The following PKIA variants were observed in gnomAD, a reference collection of about 807,000 sequenced individuals.
PKIA encodes PKI-alpha.
A neutral mutation model predicts 7.6 loss-of-function variants in PKIA; 4 were observed. The observed-to-expected ratio is 0.52, with a 90% CI of 0.26 to 1.20. The LOEUF (loss-of-function observed/expected upper bound fraction) is 1.20. Among genes scored for constraint, PKIA ranks in the 50% most tolerant of loss-of-function variants. PKIA has a pLI of 0.13. For synonymous variants in PKIA, 21 were observed against 30.7 expected, an observed-to-expected ratio of 0.68 and a Z score of 1.04; for missense variants, 73 against 86.2, an observed-to-expected ratio of 0.85 and a Z score of 0.61.
intron 1 of PKIA, among the ~76,000 whole-genome samples, chr8:78,523,533 A>T (rs562393283): frequency 6.6e-6 from 1 of 152,046 alleles, no homozygotes; most frequent in Admixed American, 6.6e-5. Context: ...CCTCACTTAT[A>T]TACTGCAGAA....
chr8:78,601,446 C>T (rs933253229), intron 3 of PKIA, among the ~76,000 whole-genome samples: 6 of 152,000 alleles, frequency 3.9e-5, no homozygotes, highest in Admixed American at 1.3e-4. Flanking sequence ...CATGACCTGG[C>T]CTTGAGATTT....
intron 1 of PKIA, among the ~76,000 whole-genome samples, chr8:78,552,513 G>A (rs1807009798): frequency 6.6e-6 from 1 of 151,646 alleles, no homozygotes; most frequent in Admixed American, 6.6e-5. Context: ...TTCTTAAAGG[G>A]GCCTTATCCA....
Position 78,553,553 on chromosome 8 carries a change from A to T in PKIA, c.-156-19258A>T, listed in dbSNP as rs138358373. ...AATACTAGAAGTAGTAGGCCTATTT[A>T]CCAACACTGTTAGAATATTAGGCAG... On this transcript the variant is annotated intron_variant, in intron 1 of 3. Transcript: ENST00000396418. Among the ~76,000 whole-genome samples, 653 of 152,056 alleles carry T rather than the reference A, an allele frequency of 4.3e-3. 2 individuals carry two copies. The highest frequency in any genetic ancestry group is 0.015 in the African/African-American group (628 of 41,508).
rs183927635 is a variant in PKIA at position 78,542,557 on chromosome 8, T to C, written c.-157+26089T>C. Among the ~76,000 whole-genome samples the C allele has an allele frequency of 3.4e-4, 52 of 152,314 alleles. 1 individual carries two copies. The East Asian group carries it at 6.4e-3, about 19-fold the overall frequency. On this transcript the variant is annotated intron_variant, in intron 1 of 3. Coordinates refer to ENST00000396418, the MANE Select transcript of PKIA (RefSeq NM_006823.4). ...CTATCTGTTCTGCAAATTAATATAT[T>C]GTTAATACTAAAATTTGTAGTCCCA...
intron 2 of PKIA, among the ~76,000 whole-genome samples, chr8:78,593,165 C>G (rs1012439039): frequency 6.6e-5 from 10 of 152,170 alleles, no homozygotes; most frequent in African/African-American, 2.4e-4. Context: ...CTCTGTCACC[C>G]AGGCTGAAAT....
At chr8:78,523,714 A>G (rs1809460090) in intron 1 of PKIA, among the ~76,000 whole-genome samples, 1 of 151,612 alleles carries the variant, frequency 6.6e-6, no homozygotes, top group South Asian at 2.1e-4. Flanking sequence ...GGACTTGCAG[A>G]AATAACATTG....
At chr8:78,550,207 G>C (rs1365604472) in intron 1 of PKIA, among the ~76,000 whole-genome samples, 1 of 152,082 alleles carries the variant, frequency 6.6e-6, no homozygotes, top group East Asian at 1.9e-4. Context: ...AGGATATTAG[G>C]GTAGAGTTTG....
intron 2 of PKIA, among the ~76,000 whole-genome samples, chr8:78,588,349 G>T (rs183343986): frequency 0.013 from 2,001 of 152,118 alleles, 42 homozygotes; most frequent in African/African-American, 0.047. Context: ...GCATGGTGGC[G>T]CATGCCTGTA....
intron 2 of PKIA, among the ~76,000 whole-genome samples, chr8:78,575,360 G>A (rs1482991809): frequency 6.6e-6 from 1 of 151,502 alleles, no homozygotes. Flanking sequence ...GGGTTGTTTT[G>A]TGGCTTATAA....
chr8:78,545,206 G>A (rs1806791672), intron 1 of PKIA, among the ~76,000 whole-genome samples: 5 of 152,206 alleles, frequency 3.3e-5, no homozygotes, highest in Admixed American at 2.6e-4. Context: ...TAATGCTTTT[G>A]TTTTTCCAAC....
intron 1 of PKIA, among the ~76,000 whole-genome samples, chr8:78,554,267 T>G (rs1437070068): frequency 6.6e-6 from 1 of 152,034 alleles, no homozygotes; most frequent in East Asian, 1.9e-4. Context: ...GTTTTCACTA[T>G]GCAACCTAGC....
At chr8:78,529,890 G>GTTTTT (rs10677786) in intron 1 of PKIA, among the ~76,000 whole-genome samples, 4 of 151,332 alleles carry the variant, frequency 2.6e-5, no homozygotes, top group African/African-American at 7.3e-5. Context: ...GTGAGATCAC[G>GTTTTT]TTATTTCCAA....
chr8:78,524,383 G>C (rs71514857), intron 1 of PKIA, among the ~76,000 whole-genome samples: 24,888 of 151,050 alleles, frequency 0.16, 2,823 homozygotes, highest in African/African-American at 0.33. Context: ...ACAAGTCACT[G>C]TCATCCAAGT....
chr8:78,587,764 A>C (rs1031194383), intron 2 of PKIA, among the ~76,000 whole-genome samples: 45 of 152,196 alleles, frequency 3.0e-4, no homozygotes, highest in Non-Finnish European at 5.7e-4. Flanking sequence ...TTTTGTTATA[A>C]TTGTGAATAT....
chr8:78,552,072 T>C (rs1806997583), intron 1 of PKIA, among the ~76,000 whole-genome samples: 1 of 151,828 alleles, frequency 6.6e-6, no homozygotes, highest in Non-Finnish European at 1.5e-5. Flanking sequence ...TGAAGGGAGA[T>C]GTCTGGAACA....
At chr8:78,543,059 GA>G (rs1806735922) in intron 1 of PKIA, among the ~76,000 whole-genome samples, 1 of 152,158 alleles carries the variant, frequency 6.6e-6, no homozygotes, top group Non-Finnish European at 1.5e-5. Flanking sequence ...TGCCCTCTCA[GA>G]AATGTACACG....
intron 2 of PKIA, among the ~76,000 whole-genome samples, chr8:78,590,077 C>A (rs1172882715): frequency 5.9e-5 from 9 of 152,104 alleles, no homozygotes; most frequent in African/African-American, 2.2e-4. Context: ...ATGAAAAAAT[C>A]TGAACTTTCA....
At chr8:78,566,750 C>T (rs754661146) in intron 1 of PKIA, among the ~76,000 whole-genome samples, 40 of 152,114 alleles carry the variant, frequency 2.6e-4, no homozygotes, top group Non-Finnish European at 4.4e-4. Context: ...AATATTTCAG[C>T]GTACATTAGA....
At chr8:78,587,657 G>C (rs889405413) in intron 2 of PKIA, among the ~76,000 whole-genome samples, 1 of 152,124 alleles carries the variant, frequency 6.6e-6, no homozygotes, top group East Asian at 1.9e-4. Context: ...ATATATATTT[G>C]ATAAAAAACT....
Sources: allele counts gnomAD v4.1 joint callset (sites outside exome capture counted in the v4.1 genomes callset), GRCh38; gene constraint gnomAD v4.1.1; transcripts MANE v1.5; gene names NCBI Gene and HGNC (gene_info 2026-07-23, HGNC 2026-07-21).